SLC1A1: variants seen among roughly 807,000 people sequenced by gnomAD.
The protein encoded by SLC1A1 is solute carrier family 1 member 1.
A neutral mutation model predicts 53.3 loss-of-function variants in SLC1A1; 43 were observed. The ratio of observed to expected loss-of-function variants is 0.81; its 90% CI spans 0.63 to 1.04. The LOEUF is 1.04. SLC1A1 is among the 50% of genes least tolerant of loss of function. SLC1A1 has a pLI of 0.00. For synonymous variants in SLC1A1, 307 were observed against 243.2 expected (o/e 1.26, Z -2.44); for missense variants, 748 against 664.9 (o/e 1.12, Z -1.37).
At chr9:4,547,507 G>C (rs901751406) in intron 2 of SLC1A1, among the ~76,000 whole-genome samples, 1 of 152,166 alleles carries the variant, frequency 6.6e-6, no homozygotes, top group Non-Finnish European at 1.5e-5. Context: ...TCAGATTAGA[G>C]GGAAAAGCAA....
rs775085573 is a variant in SLC1A1 at position 4,561,504 on chromosome 9, G to T, written c.288G>T (p.Val96=). The change falls in exon 3 of 12, where the codon GTG becomes GTT. Residue 96 remains valine, a synonymous_variant. Transcript: ENST00000262352. ...VSGKIGLRAV[V]YYFCTTLIAV... ...GAAAAATTGGTCTGCGCGCTGTCGT[G>T]TATTATTTCTGTACCACTCTCATTG... The T allele has an allele frequency of 1.9e-6, 3 of 1,609,008 alleles. No homozygotes were observed. Among genetic ancestry groups the T allele is most frequent in the Non-Finnish European group, 2.6e-6 (3 of 1,175,420 alleles).
At position 4,583,168 on chromosome 9, in the gene SLC1A1, C is replaced by T. The variant is rs1564069870; in HGVS notation, c.1324C>T (p.Leu442Phe). ...CACCCTGATCATTGCTGTCGACTGGCTCCTGTGAGTTGGAATAAATGCACT... is the reference window on the plus strand; with the variant it reads ...CACCCTGATCATTGCTGTCGACTGGTTCCTGTGAGTTGGAATAAATGCACT... ...DVTLIIAVDW[L>F]LDRFRTMVNV... The change falls in exon 11 of 12, where the codon CTC becomes TTC. Residue 442 changes from leucine to phenylalanine, a missense_variant. Leu to Phe is a conservative substitution (Grantham distance 22). Coordinates refer to ENST00000262352, the MANE Select transcript of SLC1A1 (RefSeq NM_004170.6). The surrounding 1 kb of genome is among the most constrained non-coding windows in gnomAD (Gnocchi z 4.6). The T allele has an allele frequency of 6.2e-7, 1 of 1,614,124 alleles. No homozygotes were observed. The highest frequency in any genetic ancestry group is 1.3e-5 in the African/African-American group (1 of 74,940).
intron 1 of SLC1A1, among the ~76,000 whole-genome samples, chr9:4,511,500 C>T (rs1820996992): frequency 6.6e-6 from 1 of 151,906 alleles, no homozygotes; most frequent in African/African-American, 2.4e-5. Flanking sequence ...GGAGGACATA[C>T]ACATTCATAC....
intron 6 of SLC1A1, among the ~76,000 whole-genome samples, chr9:4,569,296 A>G (rs192631358): frequency 1.3e-5 from 2 of 152,344 alleles, no homozygotes; most frequent in Admixed American, 1.3e-4. Context: ...TGCAACCTTT[A>G]TAAGTGGGAT....
intron 1 of SLC1A1, among the ~76,000 whole-genome samples, chr9:4,492,479 CAAAAAAAA>C (rs34199207): frequency 1.0e-4 from 10 of 96,356 alleles, no homozygotes; most frequent in East Asian, 2.9e-4. Flanking sequence ...AAGAATCCAC[CAAAAAAAA>C]AAAAAAAAAA....
At chr9:4,500,795 T>G (rs546486039) in intron 1 of SLC1A1, among the ~76,000 whole-genome samples, 113 of 152,378 alleles carry the variant, frequency 7.4e-4, no homozygotes, top group Non-Finnish European at 1.4e-3. Flanking sequence ...AATTATCTGC[T>G]GACTGCCTGT....
chr9:4,564,477 G>T lies in SLC1A1; in HGVS notation c.440+19G>T. On this transcript the variant is annotated intron_variant, in intron 4 of 11. Transcript: ENST00000262352. Reference sequence around the variant, plus strand: ...TCATCAGGTGAGTGTTTTGCCACAAGGTGGCTTCAAGGGCATGCGGATAGC... The same window carrying T: ...TCATCAGGTGAGTGTTTTGCCACAATGTGGCTTCAAGGGCATGCGGATAGC... 2 of 1,514,458 alleles carry T rather than the reference G, an allele frequency of 1.3e-6. No homozygotes were observed. The highest frequency in any genetic ancestry group is 1.8e-6 in the Non-Finnish European group (2 of 1,092,236). 93.8% of individuals were successfully genotyped at this position (1,514,458 alleles called of 1,614,324 possible).
At chr9:4,557,220 G>A (rs565812392) in intron 2 of SLC1A1, among the ~76,000 whole-genome samples, 2 of 152,344 alleles carry the variant, frequency 1.3e-5, no homozygotes, top group South Asian at 2.1e-4. Context: ...GGCACTGGGG[G>A]CCCAGTGAAG....
In SLC1A1 at chr9:4,583,266, T is replaced by C. The variant is rs1335179449; in HGVS notation, c.1328+94T>C. 4.0e-6 allele frequency: 6 copies of C among 1,510,586 alleles called. No homozygotes were observed. The highest frequency in any genetic ancestry group is 1.1e-5 in the South Asian group (1 of 88,860). 93.6% of individuals were successfully genotyped at this position (1,510,586 alleles called of 1,614,324 possible). ...AGTCTGTCATCATTCTCTCCTCAGA[T>C]TGCCTAATGAGCCACCTGTTGCTGC... On this transcript the variant is annotated intron_variant, in intron 11 of 11. Coordinates refer to ENST00000262352, the MANE Select transcript of SLC1A1 (RefSeq NM_004170.6). This position sits in a 1 kb window ranked among gnomAD's most constrained non-coding sequence, Gnocchi z 4.6.
intron 1 of SLC1A1, among the ~76,000 whole-genome samples, chr9:4,535,886 G>T (rs1467952695): frequency 6.6e-6 from 1 of 152,028 alleles, no homozygotes; most frequent in Non-Finnish European, 1.5e-5. Context: ...AAGAAATAAT[G>T]CTACCTATCT....
chr9:4,559,274 C>A (rs1378579376), intron 2 of SLC1A1, among the ~76,000 whole-genome samples: 1 of 152,104 alleles, frequency 6.6e-6, no homozygotes, highest in Non-Finnish European at 1.5e-5. Flanking sequence ...GTGACTATTG[C>A]AGTATGCCCA....
chr9:4,582,589 A>C (rs1821199592), intron 10 of SLC1A1, among the ~76,000 whole-genome samples: 1 of 152,146 alleles, frequency 6.6e-6, no homozygotes, highest in Admixed American at 6.6e-5. Context: ...TGCTCAGTAA[A>C]TTATTGGGTG....
intron 8 of SLC1A1, among the ~76,000 whole-genome samples, chr9:4,575,267 A>G (rs1820439479): frequency 1.3e-5 from 2 of 152,226 alleles, no homozygotes; most frequent in Admixed American, 6.5e-5. Flanking sequence ...GCTGCCAGTT[A>G]CATATATATC....
At chr9:4,517,477 T>G (rs1441732799) in intron 1 of SLC1A1, among the ~76,000 whole-genome samples, 1 of 152,174 alleles carries the variant, frequency 6.6e-6, no homozygotes, top group Non-Finnish European at 1.5e-5. Context: ...CAGAAAACAT[T>G]TGTAAGATTG....
chr9:4,505,301 G>A (rs1563996458), intron 1 of SLC1A1, among the ~76,000 whole-genome samples: 1 of 151,788 alleles, frequency 6.6e-6, no homozygotes, highest in Non-Finnish European at 1.5e-5. Flanking sequence ...CACCTGCCTT[G>A]GCCTCCCAAA....
rs1821546731 is a variant in SLC1A1 at position 4,586,029 on chromosome 9, GT to G, written c.*473del. The G allele has an allele frequency of 5.7e-6, 1 of 174,988 alleles. No individual in the cohort carries two copies. Among genetic ancestry groups the G allele is most frequent in the Admixed American group, 5.6e-5 (1 of 17,858 alleles). The allele number at this position is 174,988 out of a possible 1,614,324, so 10.8% of individuals were successfully genotyped here. A position where few individuals can be genotyped will look rare whatever the true frequency, so the allele number is the denominator to read the frequency against. ...AATGCATCTAAACCACCTGTCCCCA[GT>G]TAATGTGCCAAAATGTCAATTTTTA... On this transcript the variant is annotated 3_prime_UTR_variant, in exon 12 of 12. Coordinates refer to ENST00000262352, the MANE Select transcript of SLC1A1 (RefSeq NM_004170.6).
chr9:4,494,185 C>T (rs1820331388), intron 1 of SLC1A1, among the ~76,000 whole-genome samples: 1 of 152,168 alleles, frequency 6.6e-6, no homozygotes, highest in Non-Finnish European at 1.5e-5. Flanking sequence ...AGCACAGAGC[C>T]TGGAGTGAAG....
intron 10 of SLC1A1, among the ~76,000 whole-genome samples, 196 bp downstream of exon 10, chr9:4,576,959 T>C (rs939779561): frequency 1.3e-5 from 2 of 152,230 alleles, no homozygotes; most frequent in Non-Finnish European, 2.9e-5. Context: ...GCCAAAGCCA[T>C]CACTCTGTGC....
intron 2 of SLC1A1, chr9:4,560,049 G>A (rs1818784796): frequency 6.6e-6 from 1 of 152,144 alleles, no homozygotes; most frequent in African/African-American, 2.4e-5. Flanking sequence ...GGTAGCCAAG[G>A]ACCATTTGAA....
Sources: gnomAD v4.1 joint callset for allele counts (sites outside exome capture counted in the v4.1 genomes callset) on GRCh38, gnomAD v4.1.1 for gene constraint, Gnocchi (gnomAD v3.1) non-coding constraint, MANE v1.5 for transcripts, NCBI Gene and HGNC (gene_info 2026-07-23, HGNC 2026-07-21) for gene names.